The following BCAS4 variants were observed in gnomAD, a reference collection of about 807,000 sequenced individuals.
The protein encoded by BCAS4 is breast carcinoma-amplified sequence 4.
Under a neutral mutation model 15.7 loss-of-function variants are expected in BCAS4, and 9 were observed. That is an observed-to-expected ratio of 0.57 (90% CI 0.34 to 1.00). BCAS4 has a LOEUF of 1.00. Among genes scored for constraint, BCAS4 ranks in the 50% least tolerant of loss-of-function variants. BCAS4 has a pLI of 0.02. For synonymous variants in BCAS4, 101 were observed against 99.5 expected, an observed-to-expected ratio of 1.02 and a Z score of -0.09; for missense variants, 225 against 239.1, an observed-to-expected ratio of 0.94 and a Z score of 0.39.
At chr20:50,853,026 C>G (rs184606731) in intron 4 of BCAS4, among the ~76,000 whole-genome samples, 104 of 152,204 alleles carry the variant, frequency 6.8e-4, no homozygotes, top group Non-Finnish European at 1.2e-3. Context: ...TGGGATCCCT[C>G]TACACCCCCC....
At chr20:50,844,679 G>C (rs911857926) in intron 4 of BCAS4, among the ~76,000 whole-genome samples, 1 of 152,100 alleles carries the variant, frequency 6.6e-6, no homozygotes, top group African/African-American at 2.4e-5. Context: ...TCACTACTGG[G>C]TTTGGAATCC....
intron 4 of BCAS4, among the ~76,000 whole-genome samples, chr20:50,856,246 C>T (rs976154191): frequency 1.3e-5 from 2 of 152,304 alleles, no homozygotes; most frequent in South Asian, 4.1e-4. Flanking sequence ...CTTTGATGCC[C>T]ACGGAGCCTG....
intron 4 of BCAS4, among the ~76,000 whole-genome samples, chr20:50,864,826 G>A (rs1380895175): frequency 2.0e-5 from 3 of 152,016 alleles, no homozygotes; most frequent in Non-Finnish European, 4.4e-5. Flanking sequence ...GGGCGCAGTG[G>A]CTCATGCCTG....
In BCAS4 at chr20:50,876,501, G is replaced by T. The variant is rs1043772346; in HGVS notation, c.415G>T (p.Val139Leu). Residue 139 changes from valine to leucine, a missense_variant, in exon 5 of 5, where the codon GTG (valine) becomes TTG (leucine). Val to Leu is a conservative substitution (Grantham distance 32). Transcript: ENST00000371608. Reference sequence around the variant, plus strand: ...GTCATTCCAGAAGTCACCTGCACCGGTGCCCGTGACGTACGAGCTGCCCAC... The same window carrying T: ...GTCATTCCAGAAGTCACCTGCACCGTTGCCCGTGACGTACGAGCTGCCCAC... ...PSFRNKSPAP[V>L]PVTYELPTLY... 1 of 1,613,546 alleles carries T rather than the reference G, an allele frequency of 6.2e-7. No individual in the cohort carries two copies. Among genetic ancestry groups the T allele is most frequent in the Non-Finnish European group, 8.5e-7 (1 of 1,179,842 alleles).
intron 1 of BCAS4, among the ~76,000 whole-genome samples, chr20:50,801,350 C>T (rs960469912): frequency 5.3e-5 from 8 of 152,084 alleles, no homozygotes; most frequent in Non-Finnish European, 8.8e-5. Context: ...TGCTTGAACC[C>T]GGGAGGTGGA....
chr20:50,797,806 C>T (rs1322249257), intron 1 of BCAS4, among the ~76,000 whole-genome samples: 1 of 151,938 alleles, frequency 6.6e-6, no homozygotes, highest in Non-Finnish European at 1.5e-5. Context: ...GCTGGGATTA[C>T]AGGCATGCGC....
At chr20:50,861,392 C>T (rs575623420) in intron 4 of BCAS4, among the ~76,000 whole-genome samples, 1 of 152,282 alleles carries the variant, frequency 6.6e-6, no homozygotes, top group Non-Finnish European at 1.5e-5. Flanking sequence ...CGTGTGGAGC[C>T]CACAGTGTGG....
At chr20:50,818,366 G>A (rs895502227) in intron 2 of BCAS4, 84 bp downstream of exon 2, 49 of 1,401,040 alleles carry the variant, frequency 3.5e-5, no homozygotes, top group Non-Finnish European at 4.6e-5. Context: ...AGCCATTTTG[G>A]TGGTGAGTTA....
At chr20:50,863,757 C>T (rs965982754) in intron 4 of BCAS4, among the ~76,000 whole-genome samples, 2 of 152,182 alleles carry the variant, frequency 1.3e-5, no homozygotes, top group African/African-American at 4.8e-5. Context: ...ACACTGACTG[C>T]AGGCGTCTGG....
rs2088486336 is a variant in BCAS4 at position 50,841,871 on chromosome 20, G to A, written c.370G>A (p.Gly124Arg). 6.3e-7 allele frequency: 1 copy of A among 1,599,014 alleles called. No homozygotes were observed. The change falls in exon 4 of 5, where the codon GGA becomes AGA. Residue 124 changes from glycine (G) to arginine (R), a missense_variant. Gly to Arg is a moderately radical substitution (Grantham distance 125). Transcript: ENST00000371608. ...CCCTCAGGCCCTGCGGAGGTGGCTGGGATCCGCAGGGCTCCCCTCCTTCAG... is the reference window on the plus strand; with the variant it reads ...CCCTCAGGCCCTGCGGAGGTGGCTGAGATCCGCAGGGCTCCCCTCCTTCAG... ...AFPQALRRWL[G>R]SAGLPSFRNK...
At chr20:50,822,971 C>T (rs2088234520) in intron 2 of BCAS4, among the ~76,000 whole-genome samples, 1 of 152,100 alleles carries the variant, frequency 6.6e-6, no homozygotes, top group East Asian at 1.9e-4. Flanking sequence ...CCCAGCAATT[C>T]TAGTCCTTGT....
chr20:50,877,037 C>T lies in BCAS4; in HGVS notation c.*429C>T, dbSNP rs979891291. The T allele has an allele frequency of 2.6e-5, 4 of 156,780 alleles. No homozygotes were observed. Among genetic ancestry groups the T allele is most frequent in the Admixed American group, 6.3e-5 (1 of 15,772 alleles). The allele number at this position is 156,780 out of a possible 1,614,324, so 9.7% of individuals were successfully genotyped here. Reference sequence around the variant, plus strand: ...CTCCATGATGGCTTTGCAGGGGCTCCATGGTCCTTCTCTCTGTGATGGGTT... The same window carrying T: ...CTCCATGATGGCTTTGCAGGGGCTCTATGGTCCTTCTCTCTGTGATGGGTT... On this transcript the variant is annotated 3_prime_UTR_variant, in exon 5 of 5. Coordinates refer to ENST00000371608, the MANE Select transcript of BCAS4 (RefSeq NM_198799.4).
intron 1 of BCAS4, among the ~76,000 whole-genome samples, chr20:50,807,033 G>A (rs1283343787): frequency 5.3e-5 from 8 of 151,624 alleles, no homozygotes; most frequent in Non-Finnish European, 2.9e-5. Flanking sequence ...CACCACACAC[G>A]GCTAATTTTT....
At chr20:50,876,455 G>A (rs1316599633) in intron 4 of BCAS4, 31 bp from the exon 5 acceptor site, 15 of 1,608,802 alleles carry the variant, frequency 9.3e-6, no homozygotes, top group South Asian at 5.5e-5. Flanking sequence ...GATCCAAATC[G>A]CTGATAGAGC....
At chr20:50,872,263 C>CAAAAAAAAAAA (rs71192504) in intron 4 of BCAS4, among the ~76,000 whole-genome samples, 3 of 62,738 alleles carry the variant, frequency 4.8e-5, no homozygotes, top group South Asian at 6.2e-4. Flanking sequence ...GACTCTGTCT[C>CAAAAAAAAAAA]AAAAAAAAAA....
At chr20:50,822,587 CA>C (rs1308996152) in intron 2 of BCAS4, among the ~76,000 whole-genome samples, 1 of 147,950 alleles carries the variant, frequency 6.8e-6, no homozygotes, top group Non-Finnish European at 1.5e-5. Flanking sequence ...GGTAGAAATG[CA>C]AAAAAAACTA....
At chr20:50,835,935 G>A (rs1464096481) in intron 3 of BCAS4, among the ~76,000 whole-genome samples, 4 of 148,912 alleles carry the variant, frequency 2.7e-5, no homozygotes, top group African/African-American at 7.4e-5. Flanking sequence ...TTTTTTTTTC[G>A]GAGACAGAGT....
intron 4 of BCAS4, 40 bp from the exon 5 acceptor site, chr20:50,876,446 A>G (rs1314478259): frequency 6.2e-7 from 1 of 1,607,658 alleles, no homozygotes; most frequent in South Asian, 1.1e-5. Flanking sequence ...GAACAAGTGG[A>G]TCCAAATCGC....
chr20:50,861,318 G>GA (rs1979056485), intron 4 of BCAS4, among the ~76,000 whole-genome samples: 1 of 152,210 alleles, frequency 6.6e-6, no homozygotes, highest in Admixed American at 6.5e-5. Flanking sequence ...TAGGAAGCAG[G>GA]CTCGGGATCT....
Sources: allele counts gnomAD v4.1 joint callset (sites outside exome capture counted in the v4.1 genomes callset), GRCh38; gene constraint gnomAD v4.1.1; transcripts MANE v1.5; gene names NCBI Gene and HGNC (gene_info 2026-07-23, HGNC 2026-07-21).